MAP2: variants seen among roughly 807,000 people sequenced by gnomAD.
MAP2 encodes the protein microtubule-associated protein 2.
Under a neutral mutation model 137.6 loss-of-function variants are expected in MAP2, and 14 were observed. That is an observed-to-expected ratio of 0.10 (90% confidence interval 0.07 to 0.16). The LOEUF (loss-of-function observed/expected upper bound fraction) is 0.16. MAP2 is among the 10% of genes least tolerant of loss of function. The pLI, the probability that MAP2 is intolerant of heterozygous loss-of-function variation, is 1.00. For missense variants in MAP2, 2,088 were observed against 2,191.5 expected (o/e 0.95, Z 0.94); for synonymous variants, 786 against 782.3 (o/e 1.00, Z -0.08).
chr2:209,500,118 A>G (rs1324219220), intron 1 of MAP2, among the ~76,000 whole-genome samples: 2 of 152,106 alleles, frequency 1.3e-5, no homozygotes, highest in Non-Finnish European at 2.9e-5. Flanking sequence ...TTTTTTGAAC[A>G]CTTCTTTAAG....
At chr2:209,488,675 G>C (rs1018483423) in intron 1 of MAP2, among the ~76,000 whole-genome samples, 2 of 152,198 alleles carry the variant, frequency 1.3e-5, no homozygotes, top group African/African-American at 4.8e-5. Flanking sequence ...CTGCCAGGCA[G>C]TTTGGACTGG....
chr2:209,515,930 G>A (rs2062427108), intron 2 of MAP2, among the ~76,000 whole-genome samples: 1 of 151,996 alleles, frequency 6.6e-6, no homozygotes, highest in Non-Finnish European at 1.5e-5. Context: ...TGGGGCCACA[G>A]GTGCACACCA....
chr2:209,694,585 C>A lies in MAP2; in HGVS notation c.2415C>A (p.Asp805Glu). 1 of 1,613,996 alleles carries A rather than the reference C, an allele frequency of 6.2e-7. No homozygotes were observed. The highest frequency in any genetic ancestry group is 8.5e-7 in the Non-Finnish European group (1 of 1,179,894). Residue 805 changes from aspartate (D) to glutamate (E), a missense_variant, in exon 8 of 16, where the codon GAC (aspartate) becomes GAA (glutamate). This residue lies in a region of MAP2 where 500 missense variants were observed against 482.9 expected (regional missense o/e 1.04). Transcript: ENST00000682079. ...FYKNGTVMAP[D>E]LPEMLDLAGT... ...AAAATGGTACTGTCATGGCACCTGA[C>A]CTTCCTGAAATGCTAGATCTGGCAG...
chr2:209,540,097 TAAAAAAAAAA>T (rs35280709), intron 2 of MAP2, among the ~76,000 whole-genome samples: 4 of 39,524 alleles, frequency 1.0e-4, no homozygotes, highest in African/African-American at 3.2e-4. Context: ...GGAGACGTTG[TAAAAAAAAAA>T]AAAAAAAAAA....
intron 1 of MAP2, among the ~76,000 whole-genome samples, chr2:209,493,043 C>G (rs1358344591): frequency 6.6e-6 from 1 of 152,160 alleles, no homozygotes; most frequent in South Asian, 2.1e-4. Context: ...TACAAGGCTA[C>G]ATTAACCAAA....
intron 3 of MAP2, among the ~76,000 whole-genome samples, chr2:209,599,075 G>A (rs538800195): frequency 4.6e-5 from 7 of 152,240 alleles, no homozygotes; most frequent in African/African-American, 1.7e-4. Flanking sequence ...CAGTGTCAAA[G>A]TGTTCCTATT....
At chr2:209,502,990 A>ATT (rs34487214) in intron 1 of MAP2, among the ~76,000 whole-genome samples, 1 of 121,074 alleles carries the variant, frequency 8.3e-6, no homozygotes, top group African/African-American at 2.9e-5. Flanking sequence ...TATATTTCGG[A>ATT]TTTTTTTTCT....
intron 1 of MAP2, among the ~76,000 whole-genome samples, chr2:209,461,320 C>T (rs976448801): frequency 6.6e-6 from 1 of 152,196 alleles, no homozygotes; most frequent in South Asian, 2.1e-4. Context: ...ATTTCAAGTG[C>T]TCCAGAGACA....
intron 6 of MAP2, 86 bp downstream of exon 6, chr2:209,678,771 T>C: frequency 3.2e-6 from 2 of 634,444 alleles, no homozygotes; most frequent in Non-Finnish European, 5.2e-6. Flanking sequence ...AGATAGGCCA[T>C]ATCTTGTACT....
At chr2:209,663,903 G>A (rs939997662) in intron 5 of MAP2, among the ~76,000 whole-genome samples, 1 of 152,160 alleles carries the variant, frequency 6.6e-6, no homozygotes, top group Non-Finnish European at 1.5e-5. Context: ...TCATTCCCAT[G>A]CAGTATTGTG....
intron 3 of MAP2, among the ~76,000 whole-genome samples, chr2:209,594,452 C>T (rs185965082): frequency 2.0e-5 from 3 of 152,224 alleles, no homozygotes; most frequent in Admixed American, 6.5e-5. Context: ...TATTTGATTA[C>T]GCTAAGCTTG....
chr2:209,534,143 G>C (rs911981215), intron 2 of MAP2, among the ~76,000 whole-genome samples: 1 of 152,208 alleles, frequency 6.6e-6, no homozygotes, highest in Non-Finnish European at 1.5e-5. Flanking sequence ...GCAAGTAATT[G>C]ATGTGAGACC....
At chr2:209,710,422 C>A in intron 13 of MAP2, 168 bp downstream of exon 13, 1 of 624,762 alleles carries the variant, frequency 1.6e-6, no homozygotes, top group Non-Finnish European at 2.7e-6. Context: ...CTCTGAAATA[C>A]AACGAAAATC....
intron 13 of MAP2, among the ~76,000 whole-genome samples, chr2:209,724,936 T>C (rs2153811114): frequency 1.3e-5 from 2 of 152,306 alleles, no homozygotes; most frequent in South Asian, 4.1e-4. Context: ...CTAGGATAAT[T>C]AAAGATCTTA....
chr2:209,677,532 A>T (rs1376611433), intron 5 of MAP2, among the ~76,000 whole-genome samples: 2 of 152,030 alleles, frequency 1.3e-5, no homozygotes, highest in East Asian at 3.9e-4. Context: ...TTAGATAGAC[A>T]TATAGCTGAG....
chr2:209,688,345 C>G lies in MAP2; in HGVS notation c.455-4280C>G, dbSNP rs566456961. On this transcript the variant is annotated intron_variant, in intron 7 of 15. Coordinates refer to ENST00000682079, the MANE Select transcript of MAP2 (RefSeq NM_001375505.1). ...AGATGACTCTGAATATAATTTTTTTCCTCCTTAGACACATAATATTACTAT... is the reference window on the plus strand; with the variant it reads ...AGATGACTCTGAATATAATTTTTTTGCTCCTTAGACACATAATATTACTAT... 4.6e-5 allele frequency among the ~76,000 whole-genome samples: 7 copies of G among 152,114 alleles called. No individual in the cohort carries two copies. In the South Asian group the frequency reaches 1.2e-3, roughly 27 times the overall value.
chr2:209,621,459 A>G (rs1037815817), intron 3 of MAP2, among the ~76,000 whole-genome samples: 39 of 151,596 alleles, frequency 2.6e-4, no homozygotes, highest in African/African-American at 9.4e-4. Flanking sequence ...GGGTTTTGCC[A>G]TGTTGGCCAG....
At chr2:209,446,683 C>T (rs1699142931) in intron 1 of MAP2, among the ~76,000 whole-genome samples, 2 of 151,716 alleles carry the variant, frequency 1.3e-5, no homozygotes, top group South Asian at 4.1e-4. Context: ...TTCTCCCCAC[C>T]CCATTTTGAA....
chr2:209,478,162 A>G (rs1314203273), intron 1 of MAP2, among the ~76,000 whole-genome samples: 1 of 152,114 alleles, frequency 6.6e-6, no homozygotes, highest in East Asian at 1.9e-4. Context: ...ATTCTGGTAA[A>G]CACGTCATTA....
Sources: gnomAD v4.1 joint callset for allele counts (sites outside exome capture counted in the v4.1 genomes callset) on GRCh38, gnomAD v4.1.1 for gene constraint, gnomAD v4.1.1 regional missense constraint, MANE v1.5 for transcripts, NCBI Gene and HGNC (gene_info 2026-07-23, HGNC 2026-07-21) for gene names.